The following ANXA4 variants were observed in gnomAD, a reference collection of about 807,000 sequenced individuals.
The protein encoded by ANXA4 is 35-beta calcimedin.
Under a neutral mutation model 49.8 loss-of-function variants are expected in ANXA4, and 39 were observed. That is an observed-to-expected ratio of 0.78 (90% CI 0.61 to 1.02). ANXA4 has a LOEUF of 1.02. Among genes scored for constraint, ANXA4 ranks in the 50% least tolerant of loss-of-function variants. The pLI is 0.00. For synonymous variants in ANXA4, 134 were observed against 152.5 expected (o/e 0.88, Z 0.89); for missense variants, 360 against 410.1 (o/e 0.88, Z 1.05).
intron 3 of ANXA4, among the ~76,000 whole-genome samples, chr2:69,801,337 G>T (rs950825974): frequency 6.6e-6 from 1 of 151,908 alleles, no homozygotes; most frequent in Non-Finnish European, 1.5e-5. Flanking sequence ...AAATGATTTT[G>T]GGGGCTGCTT....
intron 3 of ANXA4, among the ~76,000 whole-genome samples, chr2:69,725,631 A>G (rs367748428): frequency 1.0e-3 from 157 of 152,222 alleles, no homozygotes; most frequent in African/African-American, 3.8e-3. Context: ...TCCACCTTCA[A>G]AGTCAATTCC....
At chr2:69,661,827 T>G (rs1227220836) in intron 2 of ANXA4, among the ~76,000 whole-genome samples, 2 of 152,120 alleles carry the variant, frequency 1.3e-5, no homozygotes, top group Non-Finnish European at 2.9e-5. Context: ...CTTGTAAGTC[T>G]GTACAAGAAG....
intron 2 of ANXA4, chr2:69,700,195 A>C (rs1678286612): frequency 6.6e-6 from 1 of 152,250 alleles, no homozygotes; most frequent in South Asian, 2.1e-4. Flanking sequence ...GACTGAATAC[A>C]AAACATCACA....
intron 2 of ANXA4, among the ~76,000 whole-genome samples, chr2:69,699,903 C>A (rs1678274444): frequency 6.6e-6 from 1 of 152,146 alleles, no homozygotes; most frequent in African/African-American, 2.4e-5. Context: ...AAGATGGCGA[C>A]CTCCAGGGAA....
At chr2:69,727,181 A>G (rs55969633) in intron 3 of ANXA4, among the ~76,000 whole-genome samples, 25,591 of 152,200 alleles carry the variant, frequency 0.17, 2,792 homozygotes, top group East Asian at 0.35. Flanking sequence ...GCCTCGTTTC[A>G]CTATTGATGG....
chr2:69,779,794 G>C (rs1672121480), intron 1 of ANXA4, among the ~76,000 whole-genome samples: 1 of 152,176 alleles, frequency 6.6e-6, no homozygotes, highest in Admixed American at 6.5e-5. Flanking sequence ...TTGTTTCTGA[G>C]CCTTCCCTGG....
intron 2 of ANXA4, among the ~76,000 whole-genome samples, chr2:69,703,499 A>G (rs1419423917): frequency 6.6e-6 from 1 of 152,202 alleles, no homozygotes. Context: ...ATAAACATAG[A>G]ATCACAATAT....
intron 1 of ANXA4, among the ~76,000 whole-genome samples, chr2:69,650,015 A>C (rs1476495584): frequency 7.4e-6 from 1 of 135,614 alleles, no homozygotes; most frequent in Non-Finnish European, 1.5e-5. Context: ...GGCTGACTGC[A>C]GCCACCACCT....
intron 3 of ANXA4, among the ~76,000 whole-genome samples, chr2:69,798,130 G>A (rs747437188): frequency 2.0e-5 from 3 of 152,118 alleles, no homozygotes; most frequent in Non-Finnish European, 2.9e-5. Flanking sequence ...GTGGACAGAG[G>A]GGCATTTACT....
intron 3 of ANXA4, among the ~76,000 whole-genome samples, chr2:69,733,635 C>T (rs1323287581): frequency 6.7e-6 from 1 of 150,374 alleles, no homozygotes; most frequent in Non-Finnish European, 1.5e-5. Flanking sequence ...AAAGAAAAGA[C>T]AGGAAAAGAA....
chr2:69,729,925 G>C (rs779908069), intron 3 of ANXA4, among the ~76,000 whole-genome samples: 1 of 152,236 alleles, frequency 6.6e-6, no homozygotes, highest in Non-Finnish European at 1.5e-5. Context: ...ATAACAGACA[G>C]TCTTGGAAAG....
intron 1 of ANXA4, among the ~76,000 whole-genome samples, chr2:69,772,237 AAGG>A (rs1671750446): frequency 6.6e-6 from 1 of 152,256 alleles, no homozygotes; most frequent in South Asian, 2.1e-4. Flanking sequence ...GTGAGCAGCA[AAGG>A]AGCTTTTAAA....
chr2:69,743,124 A>G (rs1000126040), intron 1 of ANXA4, among the ~76,000 whole-genome samples: 2 of 151,614 alleles, frequency 1.3e-5, no homozygotes, highest in Non-Finnish European at 2.9e-5. Context: ...ACCCACCTCA[A>G]CCTCCTGAGT....
intron 1 of ANXA4, among the ~76,000 whole-genome samples, chr2:69,774,484 A>G (rs964571337): frequency 6.6e-6 from 1 of 151,474 alleles, no homozygotes; most frequent in Non-Finnish European, 1.5e-5. Flanking sequence ...GATTACAGGC[A>G]CCCGCCACCA....
intron 2 of ANXA4, among the ~76,000 whole-genome samples, chr2:69,712,597 T>G (rs1559101575): frequency 6.6e-6 from 1 of 152,188 alleles, no homozygotes; most frequent in Non-Finnish European, 1.5e-5. Context: ...TTGCAATGGT[T>G]CTGGGCCTTT....
intron 1 of ANXA4, among the ~76,000 whole-genome samples, chr2:69,757,929 A>T (rs1455608577): frequency 6.8e-6 from 1 of 147,204 alleles, no homozygotes; most frequent in Non-Finnish European, 1.5e-5. Flanking sequence ...ACTGCACTCC[A>T]GCCTGGGCGG....
chr2:69,648,888 C>CTTTTT (rs777450997), intron 1 of ANXA4, among the ~76,000 whole-genome samples: 5 of 105,812 alleles, frequency 4.7e-5, no homozygotes, highest in African/African-American at 4.3e-5. Flanking sequence ...TCTTTCTTTT[C>CTTTTT]TTTTTTTTTT....
intron 1 of ANXA4, among the ~76,000 whole-genome samples, chr2:69,769,364 T>C (rs922370966): frequency 6.6e-6 from 1 of 152,344 alleles, no homozygotes; most frequent in Admixed American, 6.5e-5. Context: ...CAGTTTTCAC[T>C]ACTGTAGTAT....
intron 2 of ANXA4, among the ~76,000 whole-genome samples, chr2:69,719,041 A>G (rs1669745785): frequency 6.6e-6 from 1 of 151,274 alleles, no homozygotes; most frequent in Non-Finnish European, 1.5e-5. Flanking sequence ...CAGTGGCACA[A>G]TCTCGGCTCA....
Sources: gnomAD v4.1 joint callset for allele counts (sites outside exome capture counted in the v4.1 genomes callset) on GRCh38, gnomAD v4.1.1 for gene constraint, MANE v1.5 for transcripts, NCBI Gene and HGNC (gene_info 2026-07-23, HGNC 2026-07-21) for gene names.